Variants in PCMTD1 observed in about 807,000 individuals in gnomAD.
PCMTD1 encodes the protein protein-L-isoaspartate (D-aspartate) O-methyltransferase domain containing 1.
A neutral mutation model predicts 37.6 loss-of-function variants in PCMTD1; 12 were observed. The observed-to-expected ratio is 0.32, with a 90% CI of 0.20 to 0.52. The LOEUF is 0.52. Ranked by LOEUF, PCMTD1 falls within the 20% of genes least tolerant of loss-of-function variation. The pLI, the probability that PCMTD1 is intolerant of heterozygous loss-of-function variation, is 0.97. For synonymous variants in PCMTD1, 117 were observed against 135.8 expected (o/e 0.86, Z 0.96); for missense variants, 235 against 421.3 (o/e 0.56, Z 3.87).
chr8:51,830,925 C>G (rs1563337035), intron 5 of PCMTD1, among the ~76,000 whole-genome samples: 1 of 152,070 alleles, frequency 6.6e-6, no homozygotes. Context: ...TTTGGTTTGA[C>G]CTGCCCCTTC....
intron 1 of PCMTD1, among the ~76,000 whole-genome samples, chr8:51,885,344 G>C (rs1188661124): frequency 6.6e-6 from 1 of 152,160 alleles, no homozygotes; most frequent in Non-Finnish European, 1.5e-5. Context: ...CTGTCACAAT[G>C]ATCAGAGAGG....
chr8:51,821,813 G>A (rs1167427020), intron 5 of PCMTD1, among the ~76,000 whole-genome samples: 1 of 150,878 alleles, frequency 6.6e-6, no homozygotes, highest in East Asian at 2.0e-4. Context: ...CTCAGCTACT[G>A]CAACCTCCAC....
chr8:51,827,202 T>A, intron 5 of PCMTD1: 1 of 1,137,612 alleles, frequency 8.8e-7, no homozygotes, highest in South Asian at 1.8e-5. Context: ...TATATGAAGC[T>A]TTTATTTTTT....
chr8:51,841,091 A>G (rs1344025272), intron 3 of PCMTD1, among the ~76,000 whole-genome samples: 4 of 152,180 alleles, frequency 2.6e-5, no homozygotes, highest in Non-Finnish European at 5.9e-5. Context: ...ACATCATAAG[A>G]GCCAAACAGA....
At chr8:51,874,908 C>T (rs2038690691) in intron 1 of PCMTD1, among the ~76,000 whole-genome samples, 2 of 152,144 alleles carry the variant, frequency 1.3e-5, no homozygotes, top group African/African-American at 4.8e-5. Flanking sequence ...TTAAAGAGCT[C>T]TCTTATGAGG....
At chr8:51,842,654 C>T (rs2038164328) in intron 3 of PCMTD1, among the ~76,000 whole-genome samples, 1 of 152,012 alleles carries the variant, frequency 6.6e-6, no homozygotes, top group Non-Finnish European at 1.5e-5. Context: ...GGTCATCTAA[C>T]TTTATATATT....
chr8:51,838,034 G>C (rs1347592184), intron 3 of PCMTD1, among the ~76,000 whole-genome samples: 1 of 152,120 alleles, frequency 6.6e-6, no homozygotes, highest in Admixed American at 6.6e-5. Context: ...CAATCTACCT[G>C]CCTGGGCCTC....
At chr8:51,861,714 GT>G (rs35473494) in intron 1 of PCMTD1, among the ~76,000 whole-genome samples, 42,978 of 147,812 alleles carry the variant, frequency 0.29, 11,031 homozygotes, top group African/African-American at 0.69. Flanking sequence ...CAGAAACCAT[GT>G]TTTTTTTTTA....
chr8:51,838,082 C>T (rs529086014), intron 3 of PCMTD1, among the ~76,000 whole-genome samples: 4 of 152,272 alleles, frequency 2.6e-5, no homozygotes, highest in Admixed American at 2.0e-4. Flanking sequence ...CCACCACACC[C>T]GGCCCATAAC....
intron 1 of PCMTD1, among the ~76,000 whole-genome samples, chr8:51,866,530 A>G (rs1375345306): frequency 3.9e-5 from 6 of 151,994 alleles, no homozygotes; most frequent in African/African-American, 1.4e-4. Context: ...CCATTAAGAA[A>G]GCACAGTCTC....
chr8:51,854,010 T>G lies in PCMTD1; in HGVS notation c.307+6835A>C, dbSNP rs141411133. Among the ~76,000 whole-genome samples the G allele has an allele frequency of 4.2e-3, 635 of 152,320 alleles. 5 individuals are homozygous for G. Among genetic ancestry groups the G allele is most frequent in the African/African-American group, 0.014 (599 of 41,566 alleles). ...ACGTGAATTCTCAAGAGACAAAATT[T>G]GCAAATAGTAAGGATTGGCTGTATT... is the stretch of plus-strand genomic sequence containing the variant. On this transcript the variant is annotated intron_variant, in intron 2 of 5. Transcript: ENST00000522514.
At chr8:51,873,217 A>G (rs2038663080) in intron 1 of PCMTD1, among the ~76,000 whole-genome samples, 1 of 152,234 alleles carries the variant, frequency 6.6e-6, no homozygotes. Flanking sequence ...TACCTGCACC[A>G]TAAAAATAAA....
chr8:51,843,223 C>G (rs1563342428), intron 3 of PCMTD1, among the ~76,000 whole-genome samples: 1 of 151,632 alleles, frequency 6.6e-6, no homozygotes, highest in Non-Finnish European at 1.5e-5. Flanking sequence ...CAAAATGTTT[C>G]ATTATGCAAA....
intron 1 of PCMTD1, among the ~76,000 whole-genome samples, chr8:51,862,985 G>A (rs1401241410): frequency 6.6e-6 from 1 of 151,592 alleles, no homozygotes; most frequent in Admixed American, 6.6e-5. Context: ...GGTCTTAGCT[G>A]TGGCATCTCA....
intron 2 of PCMTD1, among the ~76,000 whole-genome samples, chr8:51,856,013 G>T (rs1030230377): frequency 6.6e-6 from 1 of 152,042 alleles, no homozygotes; most frequent in African/African-American, 2.4e-5. Flanking sequence ...TGAGGGACGG[G>T]GGAACTGACC....
chr8:51,853,053 TC>T (rs1358991206), intron 2 of PCMTD1, among the ~76,000 whole-genome samples: 1 of 152,168 alleles, frequency 6.6e-6, no homozygotes, highest in Non-Finnish European at 1.5e-5. Flanking sequence ...AATCTATGAA[TC>T]CTTTGCATGT....
At chr8:51,850,109 A>AG (rs1259651517) in intron 2 of PCMTD1, 2 of 702,232 alleles carry the variant, frequency 2.8e-6, no homozygotes, top group Admixed American at 4.0e-5. Flanking sequence ...GAAAGATAGT[A>AG]GATTAAAGGT....
intron 2 of PCMTD1, among the ~76,000 whole-genome samples, chr8:51,857,618 G>A (rs918015283): frequency 6.6e-6 from 1 of 152,052 alleles, no homozygotes; most frequent in African/African-American, 2.4e-5. Context: ...AGTACTGAGA[G>A]GAGAATCAAC....
At chr8:51,873,905 T>TTTCTTC (rs2038675406) in intron 1 of PCMTD1, among the ~76,000 whole-genome samples, 2 of 151,350 alleles carry the variant, frequency 1.3e-5, no homozygotes, top group South Asian at 4.2e-4. Context: ...TTCTTTTTTT[T>TTTCTTC]TTCTTTTTCT....
Sources: allele counts gnomAD v4.1 joint callset (sites outside exome capture counted in the v4.1 genomes callset), GRCh38; gene constraint gnomAD v4.1.1; transcripts MANE v1.5; gene names NCBI Gene and HGNC (gene_info 2026-07-23, HGNC 2026-07-21).